NEK3: variants seen among roughly 807,000 people sequenced by gnomAD.
NEK3 encodes serine/threonine-protein kinase Nek3.
NEK3 carries 54 observed loss-of-function variants against 66.0 expected under a neutral mutation model. That is an observed-to-expected ratio of 0.82 (90% CI 0.66 to 1.03). The LOEUF is 1.03. Among genes scored for constraint, NEK3 ranks in the 50% least tolerant of loss-of-function variants. The probability of loss-of-function intolerance (pLI) is 0.00; values close to 1 mark genes in which losing one functional copy is unlikely to be tolerated. For synonymous variants in NEK3, 200 were observed against 206.2 expected (o/e 0.97, Z 0.26); for missense variants, 593 against 603.0 (o/e 0.98, Z 0.17).
At chr13:52,159,746 A>T (rs1320633873), upstream of NEK3, 1 of 152,256 alleles carries the variant, frequency 6.6e-6, no homozygotes, top group Non-Finnish European at 1.5e-5. Context: ...TGCTGTTAAC[A>T]TTGAGGGAAA....
chr13:52,153,794 G>C (rs529341330), intron 4 of NEK3, 101 bp downstream of exon 4: 2 of 756,464 alleles, frequency 2.6e-6, no homozygotes. Context: ...CTACCTTCTC[G>C]GGTAATTACA....
At chr13:52,142,279 C>CTTT (rs1318424547) in intron 10 of NEK3, among the ~76,000 whole-genome samples, 1 of 143,110 alleles carries the variant, frequency 7.0e-6, no homozygotes, top group Non-Finnish European at 1.5e-5. Flanking sequence ...CTGGCTATCT[C>CTTT]TTTTTTTTTT....
intron 5 of NEK3, among the ~76,000 whole-genome samples, chr13:52,152,389 A>G (rs9535885): frequency 0.45 from 68,181 of 151,470 alleles, 18,013 homozygotes; most frequent in Non-Finnish European, 0.59. Context: ...GTGTGTGTGT[A>G]TATATATATA....
intron 11 of NEK3, among the ~76,000 whole-genome samples, chr13:52,138,942 G>C (rs1273235559): frequency 6.6e-6 from 1 of 151,720 alleles, no homozygotes; most frequent in East Asian, 1.9e-4. Context: ...AGGAGAGAAG[G>C]AAAGAAAGAA....
chr13:52,135,877 G>C lies in NEK3; in HGVS notation c.1175-14C>G. On this transcript the variant is annotated splice_polypyrimidine_tract_variant and intron_variant, in intron 13 of 15. Transcript: ENST00000610828. ...TTACAGAACCACCTAGTTGCAAAAA[G>C]ACAAAAATTAGTGCTGAATAAAAAA... The C allele has an allele frequency of 6.2e-7, 1 of 1,604,214 alleles. No individual in the cohort carries two copies. The highest frequency in any genetic ancestry group is 2.2e-5 in the East Asian group (1 of 44,826).
chr13:52,148,961 G>A (rs909932757), intron 7 of NEK3, among the ~76,000 whole-genome samples: 5 of 152,044 alleles, frequency 3.3e-5, no homozygotes, highest in South Asian at 2.1e-4. Flanking sequence ...TCACAATCTC[G>A]GCTCACTGCA....
chr13:52,157,113 T>C (rs934508809), intron 1 of NEK3: 1 of 152,068 alleles, frequency 6.6e-6, no homozygotes, highest in Non-Finnish European at 1.5e-5. Flanking sequence ...TTCAAGAAAT[T>C]GAAAGAAGAA....
At chr13:52,140,787 C>T (rs1001568244) in intron 11 of NEK3, among the ~76,000 whole-genome samples, 3 of 151,832 alleles carry the variant, frequency 2.0e-5, no homozygotes, top group African/African-American at 4.8e-5. Context: ...AAGGGTAACC[C>T]GGTATCCAGG....
At chr13:52,136,626 A>G (rs986494271) in intron 12 of NEK3, among the ~76,000 whole-genome samples, 174 bp downstream of exon 12, 5 of 152,044 alleles carry the variant, frequency 3.3e-5, no homozygotes, top group Non-Finnish European at 7.4e-5. Flanking sequence ...GATAAATGCT[A>G]TTCTCTCTTT....
intron 10 of NEK3, among the ~76,000 whole-genome samples, chr13:52,141,739 G>C (rs984536031): frequency 1.4e-5 from 2 of 141,510 alleles, no homozygotes; most frequent in East Asian, 4.2e-4. Flanking sequence ...GTCCCAGTCT[G>C]GTGGCATTTC....
intron 9 of NEK3, among the ~76,000 whole-genome samples, 192 bp from the exon 10 acceptor site, chr13:52,144,179 C>T (rs1406410396): frequency 3.9e-5 from 6 of 152,096 alleles, no homozygotes; most frequent in Admixed American, 2.0e-4. Context: ...TTTGGGAAGC[C>T]GAGACAGGCA....
At chr13:52,135,532 C>T (rs1246325255) in intron 14 of NEK3, among the ~76,000 whole-genome samples, 197 bp downstream of exon 14, 1 of 152,026 alleles carries the variant, frequency 6.6e-6, no homozygotes, top group Non-Finnish European at 1.5e-5. Context: ...GGAGGGAAAC[C>T]CTTTGAATTG....
chr13:52,151,231 G>A lies in NEK3; in HGVS notation c.463C>T (p.Pro155Ser), dbSNP rs780052352. The A allele has an allele frequency of 1.2e-6, 2 of 1,607,034 alleles. No homozygotes were observed. Among genetic ancestry groups the A allele is most frequent in the East Asian group, 2.2e-5 (1 of 44,772 alleles). Reference sequence around the variant, plus strand: ...ACATAGGTACAAGCAAATGCCATCGGACTAAAACCATAAAAAGGCAACGAA... The same window carrying A: ...ACATAGGTACAAGCAAATGCCATCGAACTAAAACCATAAAAAGGCAACGAA... ...DFGSARLLSN[P>S]MAFACTYVGT... The change falls in exon 7 of 16, where the codon CCG becomes TCG. Residue 155 changes from proline (P) to serine (S), a missense_variant and splice_region_variant. Transcript: ENST00000610828.
chr13:52,140,873 T>C, intron 11 of NEK3, 147 bp downstream of exon 11: 1 of 493,060 alleles, frequency 2.0e-6, no homozygotes, highest in Non-Finnish European at 3.5e-6. Flanking sequence ...TGGAGTGCAA[T>C]GGCGCAATCT....
intron 8 of NEK3, among the ~76,000 whole-genome samples, chr13:52,147,801 C>CA (rs1441354270): frequency 3.3e-5 from 5 of 151,460 alleles, no homozygotes; most frequent in Non-Finnish European, 7.4e-5. Flanking sequence ...GGGGAAAATA[C>CA]AAAAAAATAC....
At chr13:52,140,983 G>A (rs991449877) in intron 11 of NEK3, 37 bp downstream of exon 11, 43 of 1,531,458 alleles carry the variant, frequency 2.8e-5, no homozygotes, top group African/African-American at 6.9e-5. Flanking sequence ...CCCGGCCACC[G>A]CGCCCGGCCT....
At chr13:52,145,690 ATGAG>A (rs1483856843) in intron 8 of NEK3, among the ~76,000 whole-genome samples, 2 of 152,194 alleles carry the variant, frequency 1.3e-5, no homozygotes, top group Admixed American at 6.5e-5. Context: ...TGAAAATTTG[ATGAG>A]TAACACCGTG....
intron 12 of NEK3, 66 bp downstream of exon 12, chr13:52,136,734 A>G (rs988693878): frequency 1.9e-5 from 17 of 905,196 alleles, no homozygotes; most frequent in Admixed American, 2.4e-5. Context: ...TCTGAGACCT[A>G]GTAACATAAA....
chr13:52,159,491 C>T (rs1956426369), intron 1 of NEK3, 52 bp downstream of exon 1: 1 of 152,536 alleles, frequency 6.6e-6, no homozygotes, highest in Admixed American at 6.5e-5. Context: ...GCCGCGACCA[C>T]GCGCCGCCCT....
Sources: gnomAD v4.1 joint callset for allele counts (sites outside exome capture counted in the v4.1 genomes callset) on GRCh38, gnomAD v4.1.1 for gene constraint, MANE v1.5 for transcripts, NCBI Gene and HGNC (gene_info 2026-07-23, HGNC 2026-07-21) for gene names.